The following GLYATL1 variants were observed in gnomAD, a reference collection of about 807,000 sequenced individuals.
The protein encoded by GLYATL1 is glycine N-acyltransferase-like protein 1.
In GLYATL1, 15 loss-of-function variants were observed where a neutral mutation model predicts 20.0. The observed-to-expected ratio is 0.75, with a 90% CI of 0.50 to 1.15. The LOEUF is 1.15. Among genes scored for constraint, GLYATL1 ranks in the 50% most tolerant of loss-of-function variants. The pLI, the probability that GLYATL1 is intolerant of heterozygous loss-of-function variation, is 0.00. For synonymous variants in GLYATL1, 151 were observed against 131.5 expected, an observed-to-expected ratio of 1.15 and a Z score of -1.01; for missense variants, 380 against 368.5, an observed-to-expected ratio of 1.03 and a Z score of -0.26.
intron 4 of GLYATL1, among the ~76,000 whole-genome samples, chr11:58,954,239 G>C (rs1805111611): frequency 6.6e-6 from 1 of 152,124 alleles, no homozygotes; most frequent in South Asian, 2.1e-4. Flanking sequence ...AATTTATTTT[G>C]AGCCAAGTTT....
chr11:58,914,730 T>C (rs940384322), intron 1 of GLYATL1, among the ~76,000 whole-genome samples: 2 of 152,214 alleles, frequency 1.3e-5, no homozygotes, highest in South Asian at 2.1e-4. Flanking sequence ...AGTTTCTTTA[T>C]GGTATTCCAG....
intron 1 of GLYATL1, chr11:58,943,119 A>C: frequency 1.4e-6 from 1 of 714,340 alleles, no homozygotes; most frequent in Non-Finnish European, 2.1e-6. Flanking sequence ...CTGTTGAAAC[A>C]AACTAATTAC....
intron 4 of GLYATL1, among the ~76,000 whole-genome samples, chr11:58,953,181 G>A (rs1857117106): frequency 6.6e-6 from 1 of 152,188 alleles, no homozygotes; most frequent in South Asian, 2.1e-4. Flanking sequence ...TTAAAAGGTA[G>A]ATGTTTAATT....
At chr11:58,925,631 T>A (rs1347514648), upstream of GLYATL1, among the ~76,000 whole-genome samples, 1 of 152,192 alleles carries the variant, frequency 6.6e-6, no homozygotes, top group Non-Finnish European at 1.5e-5. Context: ...CTTTCTCATG[T>A]TAATAATTTA....
chr11:58,944,081 T>A (rs1339149881), intron 2 of GLYATL1, among the ~76,000 whole-genome samples: 2 of 152,162 alleles, frequency 1.3e-5, no homozygotes, highest in African/African-American at 4.8e-5. Context: ...AAAACTGAGT[T>A]CCTTCTGGCT....
chr11:58,955,610 T>C lies in GLYATL1; in HGVS notation c.492T>C (p.Ser164=), dbSNP rs375151483. 2.7e-5 allele frequency: 44 copies of C among 1,612,712 alleles called. No homozygotes were observed. The highest frequency in any genetic ancestry group is 3.3e-5 in the Non-Finnish European group (39 of 1,179,114). Residue 164 remains serine (S), a splice_region_variant and synonymous_variant, in exon 7 of 7, where the codon AGT becomes AGC. Transcript: ENST00000532726. ...TTGTCTTTCTTTTTGTTGTCTACAG[T>C]GAAACTCCCAACTTTAAGTATGCCC... ...ETGHPDDEFE[S]ETPNFKYAQL...
intron 1 of GLYATL1, among the ~76,000 whole-genome samples, chr11:58,942,235 C>T (rs948409545): frequency 1.3e-5 from 2 of 152,172 alleles, no homozygotes; most frequent in African/African-American, 4.8e-5. Context: ...TGCAAGCAAA[C>T]CTGTCTGAAC....
At chr11:58,946,734 T>C in intron 2 of GLYATL1, 2 of 375,182 alleles carry the variant, frequency 5.3e-6, no homozygotes, top group South Asian at 5.8e-5. Context: ...CTTATGATGG[T>C]AGTGGTGGAG....
At chr11:58,942,121 T>C (rs1856202751) in intron 1 of GLYATL1, among the ~76,000 whole-genome samples, 1 of 152,218 alleles carries the variant, frequency 6.6e-6, no homozygotes, top group African/African-American at 2.4e-5. Flanking sequence ...CCACAAGTCC[T>C]ACAGAGGAAA....
At chr11:58,911,798 G>A (rs1253954142), downstream of GLYATL1, among the ~76,000 whole-genome samples, 1 of 152,070 alleles carries the variant, frequency 6.6e-6, no homozygotes, top group Non-Finnish European at 1.5e-5. Flanking sequence ...GTTCTGTTTT[G>A]GGAGGGAAAA....
intron 1 of GLYATL1, among the ~76,000 whole-genome samples, chr11:58,933,086 G>T (rs1366330002): frequency 6.6e-6 from 1 of 152,168 alleles, no homozygotes; most frequent in East Asian, 1.9e-4. Context: ...TAGTCAAATG[G>T]ATAATGACAC....
chr11:58,941,184 T>A (rs1224127253), intron 1 of GLYATL1, among the ~76,000 whole-genome samples: 1 of 81,270 alleles, frequency 1.2e-5, no homozygotes, highest in Non-Finnish European at 2.3e-5. Flanking sequence ...ATGCTATCCC[T>A]CCCCCCTCCC....
intron 1 of GLYATL1, among the ~76,000 whole-genome samples, chr11:58,916,439 C>G (rs1359075370): frequency 6.6e-6 from 1 of 152,194 alleles, no homozygotes; most frequent in Non-Finnish European, 1.5e-5. Flanking sequence ...CATATATTAT[C>G]TCACTTACCA....
chr11:58,947,200 A>C (rs1439159289), intron 3 of GLYATL1, 35 bp downstream of exon 3: 1 of 1,597,962 alleles, frequency 6.3e-7, no homozygotes, highest in Non-Finnish European at 8.5e-7. Context: ...GTATGGGAGT[A>C]GGGGTGTTGA....
chr11:58,909,898 C>T (rs751893391), downstream of GLYATL1, among the ~76,000 whole-genome samples: 2 of 152,098 alleles, frequency 1.3e-5, no homozygotes, highest in Non-Finnish European at 2.9e-5. Context: ...TCTTCAACGG[C>T]TTGTTTGTGT....
At chr11:58,942,733 A>G (rs2135187532) in intron 1 of GLYATL1, 1 of 152,340 alleles carries the variant, frequency 6.6e-6, no homozygotes, top group South Asian at 2.1e-4. Context: ...GTAGTAATTT[A>G]AATGTATTAG....
chr11:58,910,671 A>G (rs1023444787), downstream of GLYATL1, among the ~76,000 whole-genome samples: 20 of 152,186 alleles, frequency 1.3e-4, no homozygotes, highest in African/African-American at 4.6e-4. Context: ...GATGGAGGCA[A>G]CAAAGCAAGG....
intron 5 of GLYATL1, 39 bp downstream of exon 5, chr11:58,954,935 T>C: frequency 6.3e-7 from 1 of 1,582,552 alleles, no homozygotes; most frequent in Non-Finnish European, 8.6e-7. Flanking sequence ...GCTGTGCTTC[T>C]CAAATTGTGT....
intron 1 of GLYATL1, among the ~76,000 whole-genome samples, chr11:58,916,019 A>G (rs906685390): frequency 1.3e-4 from 20 of 152,200 alleles, no homozygotes; most frequent in Admixed American, 1.1e-3. Flanking sequence ...CTATTTAGTT[A>G]CAGATCTTGC....
Sources: allele counts gnomAD v4.1 joint callset (sites outside exome capture counted in the v4.1 genomes callset), GRCh38; gene constraint gnomAD v4.1.1; transcripts MANE v1.5; gene names NCBI Gene and HGNC (gene_info 2026-07-23, HGNC 2026-07-21).